The following SCAMP4 variants were observed in gnomAD, a reference collection of about 807,000 sequenced individuals.
The protein encoded by SCAMP4 is secretory carrier-associated membrane protein 4.
Under a neutral mutation model 32.1 loss-of-function variants are expected in SCAMP4, and 19 were observed. That is an observed-to-expected ratio of 0.59 (90% confidence interval 0.41 to 0.87). The LOEUF (loss-of-function observed/expected upper bound fraction) is 0.87. Among genes scored for constraint, SCAMP4 ranks in the 40% least tolerant of loss-of-function variants. SCAMP4 has a pLI of 0.00. For missense variants in SCAMP4, 302 were observed against 309.0 expected (o/e 0.98, Z 0.17); for synonymous variants, 152 against 132.7 (o/e 1.15, Z -1.00).
chr19:1,914,806 G>A (rs1599246656), intron 1 of SCAMP4, among the ~76,000 whole-genome samples, 173 bp from the exon 2 acceptor site: 1 of 152,310 alleles, frequency 6.6e-6, no homozygotes, highest in East Asian at 1.9e-4. Context: ...CGAGGGGAGG[G>A]GGACCTGTGG....
intron 1 of SCAMP4, chr19:1,912,925 A>G: frequency 6.2e-7 from 1 of 1,609,822 alleles, no homozygotes; most frequent in South Asian, 1.1e-5. Flanking sequence ...GGCCTCCCCT[A>G]CCTGTGCACT....
At chr19:1,920,905 C>A in intron 5 of SCAMP4, 1 of 985,376 alleles carries the variant, frequency 1.0e-6, no homozygotes, top group Non-Finnish European at 1.2e-6. Flanking sequence ...GGCCCTCGTG[C>A]ACGTGCGGCA....
chr19:1,907,607 A>T (rs2097095102), intron 1 of SCAMP4, among the ~76,000 whole-genome samples: 1 of 151,958 alleles, frequency 6.6e-6, no homozygotes, highest in South Asian at 2.1e-4. Context: ...GGCTTAGATA[A>T]AGGCCTCCCA....
chr19:1,913,448 G>C (rs1234312252), intron 1 of SCAMP4: 1 of 512,174 alleles, frequency 2.0e-6, no homozygotes, highest in African/African-American at 2.0e-5. Flanking sequence ...CCAAAACCAA[G>C]TGGGTGTCTG....
Position 1,917,694 on chromosome 19 carries a change from A to G in SCAMP4, c.8A>G (p.Glu3Gly). Residue 3 changes from glutamate to glycine, a missense_variant and splice_region_variant, in exon 3 of 7, where the codon GAA (glutamate) becomes GGA (glycine). Glu to Gly is a moderately conservative substitution (Grantham distance 98). Transcript: ENST00000316097. ...GTCCGTGGGTTCTCTGTCCCTACAG[A>G]AAAGGAGAACAACTTCCCGCCACTG... MS[E>G]KENNFPPLPK... 1 of 1,613,936 alleles carries G rather than the reference A, an allele frequency of 6.2e-7. No homozygotes were observed. The highest frequency in any genetic ancestry group is 8.5e-7 in the Non-Finnish European group (1 of 1,179,870).
chr19:1,917,624 G>C, intron 2 of SCAMP4, 70 bp from the exon 3 acceptor site: 2 of 1,590,092 alleles, frequency 1.3e-6, no homozygotes, highest in East Asian at 2.2e-5. Flanking sequence ...GCCTTGGGTC[G>C]AAGGGATGAG....
chr19:1,917,458 T>G (rs570553034), intron 2 of SCAMP4, among the ~76,000 whole-genome samples: 2 of 152,112 alleles, frequency 1.3e-5, no homozygotes, highest in Non-Finnish European at 2.9e-5. Flanking sequence ...GGCCCCTTTC[T>G]CCCCCTTCAC....
At chr19:1,921,064 T>G in intron 5 of SCAMP4, 1 of 985,314 alleles carries the variant, frequency 1.0e-6, no homozygotes, top group African/African-American at 1.7e-5. Context: ...CGGCCCCCCT[T>G]GTAATGAGAG....
intron 2 of SCAMP4, among the ~76,000 whole-genome samples, chr19:1,916,433 A>G (rs1263687347): frequency 1.3e-5 from 2 of 152,112 alleles, no homozygotes; most frequent in Non-Finnish European, 2.9e-5. Flanking sequence ...TCTGGCCTCC[A>G]GGACTGTTAG....
intron 5 of SCAMP4, chr19:1,922,561 G>T (rs1451752090): frequency 1.0e-6 from 1 of 985,350 alleles, no homozygotes; most frequent in Non-Finnish European, 1.2e-6. Flanking sequence ...TGGTCCCTCA[G>T]TGCCCACCGG....
At chr19:1,912,174 C>A in intron 1 of SCAMP4, 1 of 1,577,150 alleles carries the variant, frequency 6.3e-7, no homozygotes, top group Admixed American at 1.8e-5. Context: ...GGCGCCGTGG[C>A]AGGCCCTCCC....
At chr19:1,921,012 G>T (rs1286531350) in intron 5 of SCAMP4, 2 of 985,294 alleles carry the variant, frequency 2.0e-6, no homozygotes, top group East Asian at 2.3e-4. Context: ...GACAGAAGGT[G>T]AACGCTCTTG....
intron 2 of SCAMP4, among the ~76,000 whole-genome samples, chr19:1,916,845 C>T (rs976877846): frequency 6.6e-6 from 1 of 152,226 alleles, no homozygotes; most frequent in Non-Finnish European, 1.5e-5. Context: ...ACAGCCTCCC[C>T]GCAGTGTGCG....
chr19:1,910,821 C>T (rs754180302), intron 1 of SCAMP4, among the ~76,000 whole-genome samples: 5 of 151,368 alleles, frequency 3.3e-5, no homozygotes, highest in East Asian at 1.9e-4. Context: ...ATGATCTGCC[C>T]GCCTCAGCCT....
intron 1 of SCAMP4, chr19:1,905,654 G>T (rs986259329): frequency 1.3e-5 from 2 of 158,394 alleles, no homozygotes; most frequent in African/African-American, 4.8e-5. Flanking sequence ...GCGCGGCGCT[G>T]GCCTGGGGGA....
chr19:1,923,211 C>T, intron 6 of SCAMP4, 24 bp downstream of exon 6: 2 of 1,524,440 alleles, frequency 1.3e-6, no homozygotes, highest in Non-Finnish European at 1.8e-6. Flanking sequence ...TTTGTGACGT[C>T]CAGCCCTTAC....
At chr19:1,923,975 G>T in intron 6 of SCAMP4, 133 bp from the exon 7 acceptor site, 2 of 270,916 alleles carry the variant, frequency 7.4e-6, no homozygotes, top group East Asian at 7.2e-5. Context: ...GTTTGGACTG[G>T]TCTCGAACTC....
chr19:1,921,955 G>A (rs1406708477), intron 5 of SCAMP4: 19 of 985,378 alleles, frequency 1.9e-5, no homozygotes, highest in Non-Finnish European at 2.2e-5. Flanking sequence ...TGCATATCAC[G>A]CCCCGTGCAT....
At chr19:1,912,372 C>A (rs1312014800) in intron 1 of SCAMP4, 2 of 1,523,874 alleles carry the variant, frequency 1.3e-6, no homozygotes, top group East Asian at 2.6e-5. Context: ...CCTGGAGATG[C>A]TGCTTTGCCT....
Sources: allele counts gnomAD v4.1 joint callset (sites outside exome capture counted in the v4.1 genomes callset), GRCh38; gene constraint gnomAD v4.1.1; transcripts MANE v1.5; gene names NCBI Gene and HGNC (gene_info 2026-07-23, HGNC 2026-07-21).